Variants in COG5 observed in about 807,000 individuals in gnomAD.
The protein encoded by COG5 is conserved oligomeric Golgi complex subunit 5.
In COG5, 86 loss-of-function variants were observed where a neutral mutation model predicts 110.4. That is an observed-to-expected ratio of 0.78 (90% confidence interval 0.65 to 0.93). The LOEUF (loss-of-function observed/expected upper bound fraction) is 0.93. Among genes scored for constraint, COG5 ranks in the 40% least tolerant of loss-of-function variants. COG5 has a pLI of 0.00. For missense variants in COG5, 1,077 were observed against 987.0 expected (o/e 1.09, Z -1.22); for synonymous variants, 360 against 334.6 (o/e 1.08, Z -0.83).
chr7:107,453,995 A>AT (rs1398510834), intron 6 of COG5, among the ~76,000 whole-genome samples: 1 of 149,634 alleles, frequency 6.7e-6, no homozygotes, highest in African/African-American at 2.4e-5. Flanking sequence ...CTCAGATAAA[A>AT]AATTCATTAA....
intron 6 of COG5, among the ~76,000 whole-genome samples, chr7:107,417,343 T>C (rs1048313634): frequency 6.6e-6 from 1 of 152,204 alleles, no homozygotes; most frequent in Non-Finnish European, 1.5e-5. Flanking sequence ...TTATACTTAT[T>C]TACAATGTCT....
At chr7:107,244,719 G>T (rs762157249) in intron 17 of COG5, among the ~76,000 whole-genome samples, 1 of 151,942 alleles carries the variant, frequency 6.6e-6, no homozygotes, top group Non-Finnish European at 1.5e-5. Context: ...CACATTCCTG[G>T]ACACATACAC....
At chr7:107,420,994 A>G (rs1478126548) in intron 6 of COG5, among the ~76,000 whole-genome samples, 2 of 152,216 alleles carry the variant, frequency 1.3e-5, no homozygotes, top group Non-Finnish European at 1.5e-5. Context: ...CTTACTATTA[A>G]AAATGAGAAT....
intron 7 of COG5, among the ~76,000 whole-genome samples, chr7:107,389,197 G>C (rs558551171): frequency 2.0e-5 from 3 of 152,120 alleles, no homozygotes; most frequent in African/African-American, 7.2e-5. Flanking sequence ...TTGGCTAGGA[G>C]GGATAGATTT....
intron 11 of COG5, among the ~76,000 whole-genome samples, chr7:107,307,058 C>T (rs574929530): frequency 2.6e-5 from 4 of 152,276 alleles, no homozygotes; most frequent in East Asian, 1.9e-4. Context: ...CAACACACTC[C>T]GCCTTAACTC....
intron 6 of COG5, among the ~76,000 whole-genome samples, chr7:107,506,724 A>G (rs1439787910): frequency 2.0e-5 from 3 of 151,956 alleles, no homozygotes; most frequent in Non-Finnish European, 4.4e-5. Flanking sequence ...CTGCGGGAAA[A>G]CAGGAACCAC....
chr7:107,527,375 T>C lies in COG5; in HGVS notation c.418-18A>G. On this transcript the variant is annotated intron_variant, in intron 5 of 21. Transcript: ENST00000297135. ...CAGGCAACCTGTGCAAACATCACAATGTTAAGTTAGTTGATCCATGAAGTT... is the reference window on the plus strand; with the variant it reads ...CAGGCAACCTGTGCAAACATCACAACGTTAAGTTAGTTGATCCATGAAGTT... The C allele has an allele frequency of 6.2e-7, 1 of 1,612,420 alleles. No individual in the cohort carries two copies. The highest frequency in any genetic ancestry group is 8.5e-7 in the Non-Finnish European group (1 of 1,179,596).
At chr7:107,510,280 A>G (rs1799398768) in intron 6 of COG5, among the ~76,000 whole-genome samples, 1 of 152,124 alleles carries the variant, frequency 6.6e-6, no homozygotes, top group Non-Finnish European at 1.5e-5. Flanking sequence ...TTAAACCAAC[A>G]AAGATCAAAA....
chr7:107,384,793 C>T (rs1204056204), intron 7 of COG5, among the ~76,000 whole-genome samples: 4 of 152,158 alleles, frequency 2.6e-5, no homozygotes, highest in Non-Finnish European at 5.9e-5. Flanking sequence ...TCACCAGAAA[C>T]TGAATCCTGC....
intron 8 of COG5, among the ~76,000 whole-genome samples, chr7:107,365,141 A>C (rs974988568): frequency 6.6e-6 from 1 of 152,146 alleles, no homozygotes; most frequent in Non-Finnish European, 1.5e-5. Flanking sequence ...GAAATACAAG[A>C]CATTGCCATT....
At chr7:107,225,049 T>C (rs1800225757) in intron 19 of COG5, among the ~76,000 whole-genome samples, 1 of 152,242 alleles carries the variant, frequency 6.6e-6, no homozygotes, top group South Asian at 2.1e-4. Flanking sequence ...TGTGTATGTA[T>C]GAGGGCGTGT....
intron 6 of COG5, among the ~76,000 whole-genome samples, chr7:107,512,187 C>G (rs1435935091): frequency 6.6e-6 from 1 of 152,188 alleles, no homozygotes; most frequent in Non-Finnish European, 1.5e-5. Context: ...TGATAAGCAA[C>G]TTCAGCAAAG....
chr7:107,556,721 T>C (rs1305312568), intron 2 of COG5, among the ~76,000 whole-genome samples: 1 of 152,180 alleles, frequency 6.6e-6, no homozygotes, highest in Non-Finnish European at 1.5e-5. Flanking sequence ...TCTATTTATT[T>C]GGCTATCCCC....
intron 14 of COG5, among the ~76,000 whole-genome samples, chr7:107,279,172 C>A (rs1002435331): frequency 6.6e-6 from 1 of 152,040 alleles, no homozygotes; most frequent in African/African-American, 2.4e-5. Context: ...ATGTGGCCAA[C>A]AAACATATGA....
chr7:107,212,216 A>G (rs1226287957), intron 19 of COG5, among the ~76,000 whole-genome samples: 2 of 152,210 alleles, frequency 1.3e-5, no homozygotes, highest in African/African-American at 4.8e-5. Context: ...ACAAGTAAAA[A>G]TCTATCTTTA....
intron 6 of COG5, chr7:107,450,443 G>A (rs1345005221): frequency 3.9e-5 from 6 of 152,226 alleles, no homozygotes; most frequent in Admixed American, 3.9e-4. Context: ...AAGGTAACAG[G>A]AGAAGCAGCT....
At chr7:107,276,496 C>CTGGTCATTA (rs1804711629) in intron 14 of COG5, among the ~76,000 whole-genome samples, 1 of 151,934 alleles carries the variant, frequency 6.6e-6, no homozygotes, top group Non-Finnish European at 1.5e-5. Flanking sequence ...GTGGCGAGAC[C>CTGGTCATTA]CTCCATCGCT....
At chr7:107,211,476 T>A (rs982659946) in intron 19 of COG5, among the ~76,000 whole-genome samples, 5 of 152,142 alleles carry the variant, frequency 3.3e-5, no homozygotes, top group Non-Finnish European at 7.4e-5. Flanking sequence ...GAGTCTGACA[T>A]CCACCGGACT....
intron 6 of COG5, among the ~76,000 whole-genome samples, chr7:107,497,232 G>A (rs1413621593): frequency 4.6e-5 from 7 of 151,964 alleles, no homozygotes; most frequent in Non-Finnish European, 8.8e-5. Flanking sequence ...ACAAACAAAC[G>A]AACAAACAAG....
Sources: gnomAD v4.1 joint callset for allele counts (sites outside exome capture counted in the v4.1 genomes callset) on GRCh38, gnomAD v4.1.1 for gene constraint, MANE v1.5 for transcripts, NCBI Gene and HGNC (gene_info 2026-07-23, HGNC 2026-07-21) for gene names.